The following TMEM267 variants were observed in gnomAD, a reference collection of about 807,000 sequenced individuals.
TMEM267 encodes transmembrane protein C5orf28.
Under a neutral mutation model 19.3 loss-of-function variants are expected in TMEM267, and 20 were observed. The ratio of observed to expected loss-of-function variants is 1.04; its 90% CI spans 0.73 to 1.51. The LOEUF is 1.51. TMEM267 is among the 40% of genes most tolerant of loss of function. The pLI, the probability that TMEM267 is intolerant of heterozygous loss-of-function variation, is 0.00. For synonymous variants in TMEM267, 88 were observed against 90.3 expected (o/e 0.97, Z 0.15); for missense variants, 242 against 261.9 (o/e 0.92, Z 0.52).
chr5:43,453,687 A>G lies in TMEM267; in HGVS notation c.283T>C (p.Phe95Leu), dbSNP rs749178169. The stretch of plus-strand genomic sequence containing the variant: ...AAAGACATGGATCCAGCTAGAAAAA[A>G]GTGGTCTACATCAATAACAGAGGCT... ...FLASVIDVDH[F>L]FLAGSMSLKA... The change falls in exon 2 of 3, where the codon TTT becomes CTT. Residue 95 changes from phenylalanine to leucine, a missense_variant. Coordinates refer to ENST00000397080, the MANE Select transcript of TMEM267 (RefSeq NM_022483.5). 2 of 1,613,920 alleles carry G rather than the reference A, an allele frequency of 1.2e-6. No homozygotes were observed. The highest frequency in any genetic ancestry group is 1.1e-5 in the South Asian group (1 of 90,996).
intron 1 of TMEM267, among the ~76,000 whole-genome samples, chr5:43,482,208 G>A (rs987055556): frequency 6.6e-6 from 1 of 152,098 alleles, no homozygotes; most frequent in Non-Finnish European, 1.5e-5. Context: ...ATACGTAGAA[G>A]AGAACTATTT....
chr5:43,453,335 C>T (rs892841574), intron 2 of TMEM267, among the ~76,000 whole-genome samples: 1 of 152,204 alleles, frequency 6.6e-6, no homozygotes, highest in Non-Finnish European at 1.5e-5. Context: ...TTGAGAATCA[C>T]CCCTGTTAAT....
chr5:43,467,174 A>G (rs1405018298), intron 1 of TMEM267, among the ~76,000 whole-genome samples: 6 of 150,482 alleles, frequency 4.0e-5, no homozygotes, highest in Admixed American at 3.3e-4. Context: ...AAAAAGAAGG[A>G]AGAAAAGACC....
rs529492930 is a variant in TMEM267 at position 43,457,825 on chromosome 5, T to C, written c.-74-3782A>G. Among the ~76,000 whole-genome samples, 8 of 152,346 alleles carry C rather than the reference T, an allele frequency of 5.3e-5. No homozygotes were observed. In the East Asian group the frequency reaches 9.6e-4, roughly 18 times the overall value. On this transcript the variant is annotated intron_variant, in intron 1 of 2. Transcript: ENST00000397080. ...CAACAAATATTATAAATTTAAGTAATAGATGTACTGTAGTTCATTATATTT... is the reference window on the plus strand; with the variant it reads ...CAACAAATATTATAAATTTAAGTAACAGATGTACTGTAGTTCATTATATTT...
At chr5:43,467,256 T>C (rs1220253041) in intron 1 of TMEM267, among the ~76,000 whole-genome samples, 1 of 150,758 alleles carries the variant, frequency 6.6e-6, no homozygotes, top group African/African-American at 2.4e-5. Flanking sequence ...ACATTAAATA[T>C]AAATGGACTA....
intron 1 of TMEM267, among the ~76,000 whole-genome samples, chr5:43,464,430 T>C (rs1743492069): frequency 6.6e-6 from 1 of 152,246 alleles, no homozygotes; most frequent in Admixed American, 6.5e-5. Context: ...ACCAATGACT[T>C]TCTTCACAGA....
chr5:43,460,960 G>A (rs1246442255), intron 1 of TMEM267, among the ~76,000 whole-genome samples: 2 of 152,196 alleles, frequency 1.3e-5, no homozygotes, highest in Non-Finnish European at 2.9e-5. Flanking sequence ...TGGACTGCGT[G>A]GGCACATGAC....
intron 1 of TMEM267, among the ~76,000 whole-genome samples, chr5:43,463,084 C>A (rs372262198): frequency 1.3e-5 from 2 of 151,946 alleles, no homozygotes; most frequent in East Asian, 1.9e-4. Context: ...CAAATAGATG[C>A]AATAAAAAAT....
intron 2 of TMEM267, among the ~76,000 whole-genome samples, chr5:43,449,559 CTG>C (rs1165720302): frequency 6.6e-6 from 1 of 152,158 alleles, no homozygotes; most frequent in Non-Finnish European, 1.5e-5. Context: ...AGAGCTATTA[CTG>C]TAATAATGAT....
chr5:43,450,611 T>C (rs1160149572), intron 2 of TMEM267, among the ~76,000 whole-genome samples: 2 of 152,204 alleles, frequency 1.3e-5, no homozygotes, highest in East Asian at 3.9e-4. Context: ...ACTGTGCAGT[T>C]AATGAGTGGC....
At chr5:43,468,730 C>T (rs182849459) in intron 1 of TMEM267, among the ~76,000 whole-genome samples, 17 of 152,226 alleles carry the variant, frequency 1.1e-4, no homozygotes, top group Admixed American at 5.2e-4. Flanking sequence ...CAGACCAAAT[C>T]GATCTAATAA....
intron 1 of TMEM267, among the ~76,000 whole-genome samples, chr5:43,468,019 G>C (rs542966512): frequency 9.9e-5 from 15 of 151,524 alleles, no homozygotes; most frequent in Middle Eastern, 6.8e-3. Context: ...GACGAATTAA[G>C]AGTCCTTTAT....
intron 2 of TMEM267, among the ~76,000 whole-genome samples, chr5:43,450,324 T>A (rs1015720188): frequency 1.3e-5 from 2 of 152,096 alleles, no homozygotes; most frequent in Non-Finnish European, 2.9e-5. Context: ...AAACAATGAA[T>A]AATGAAAGAA....
chr5:43,466,027 T>A (rs114107279), intron 1 of TMEM267, among the ~76,000 whole-genome samples: 2,585 of 150,950 alleles, frequency 0.017, 89 homozygotes, highest in African/African-American at 0.06. Context: ...TTTAAAACTT[T>A]AAAAAAAATA....
At chr5:43,460,243 G>A (rs942725934) in intron 1 of TMEM267, among the ~76,000 whole-genome samples, 11 of 152,128 alleles carry the variant, frequency 7.2e-5, no homozygotes, top group African/African-American at 2.7e-4. Flanking sequence ...TTCACCTCCT[G>A]CTTTGCGGCC....
chr5:43,482,940 T>C (rs1004533857), intron 1 of TMEM267, among the ~76,000 whole-genome samples: 13 of 152,146 alleles, frequency 8.5e-5, no homozygotes, highest in African/African-American at 2.9e-4. Context: ...TCTAAGTAAG[T>C]GTCATCTGTT....
chr5:43,446,591 C>T (rs1742254187), intron 2 of TMEM267, 34 bp from the exon 3 acceptor site: 1 of 1,419,052 alleles, frequency 7.0e-7, no homozygotes, highest in Non-Finnish European at 9.6e-7. Flanking sequence ...GTATCATTTC[C>T]TTTCTAGCAA....
chr5:43,454,173 T>C (rs907604968), intron 1 of TMEM267, 130 bp from the exon 2 acceptor site: 11 of 572,830 alleles, frequency 1.9e-5, no homozygotes, highest in African/African-American at 1.9e-4. Context: ...TTTTACATGT[T>C]ATATATAATA....
intron 1 of TMEM267, 92 bp from the exon 2 acceptor site, chr5:43,454,135 A>C (rs747510356): frequency 2.1e-5 from 19 of 904,112 alleles, no homozygotes; most frequent in Non-Finnish European, 2.8e-5. Context: ...TTTCACAAAC[A>C]TAAAACCAAG....
Sources: gnomAD v4.1 joint callset for allele counts (sites outside exome capture counted in the v4.1 genomes callset) on GRCh38, gnomAD v4.1.1 for gene constraint, MANE v1.5 for transcripts, NCBI Gene and HGNC (gene_info 2026-07-23, HGNC 2026-07-21) for gene names.